SLC25A19: variants seen among roughly 807,000 people sequenced by gnomAD.
SLC25A19 encodes solute carrier family 25 member 19.
In SLC25A19, 18 loss-of-function variants were observed where a neutral mutation model predicts 27.9. That is an observed-to-expected ratio of 0.64 (90% CI 0.45 to 0.96). The LOEUF (loss-of-function observed/expected upper bound fraction) is 0.96. Among genes scored for constraint, SLC25A19 ranks in the 40% least tolerant of loss-of-function variants. The pLI, the probability that SLC25A19 is intolerant of heterozygous loss-of-function variation, is 0.00. For missense variants in SLC25A19, 371 were observed against 418.3 expected, an observed-to-expected ratio of 0.89 and a Z score of 0.99; for synonymous variants, 169 against 167.1, an observed-to-expected ratio of 1.01 and a Z score of -0.09.
chr17:75,276,036 G>A (rs1419247477), intron 7 of SLC25A19, among the ~76,000 whole-genome samples: 2 of 151,994 alleles, frequency 1.3e-5, no homozygotes, highest in Non-Finnish European at 2.9e-5. Context: ...CACTTTGGGA[G>A]GCCGAGGCAG....
rs1555602033 is a variant in SLC25A19, at chr17:75,277,399, C to T, written c.728G>A (p.Arg243Gln). The T allele has an allele frequency of 1.2e-6, 2 of 1,614,016 alleles. No individual in the cohort carries two copies. Among genetic ancestry groups the T allele is most frequent in the Non-Finnish European group, 1.7e-6 (2 of 1,179,982 alleles). ...LTYPLDLFKK[R>Q]LQVGGFEHAR... is the part of the protein sequence containing the mutation. ...ATGCTCAAACCCTCCAACCTGTAGCCGCTTCTTGAAGAGGTCCAGCGGATA... is the reference window on the plus strand; with the variant it reads ...ATGCTCAAACCCTCCAACCTGTAGCTGCTTCTTGAAGAGGTCCAGCGGATA... The change falls in exon 7 of 8, where the codon CGG becomes CAG. Residue 243 changes from arginine (R) to glutamine (Q), a missense_variant. Transcript: ENST00000416858.
At chr17:75,275,708 A>G (rs1458573764) in intron 7 of SLC25A19, among the ~76,000 whole-genome samples, 6 of 152,162 alleles carry the variant, frequency 3.9e-5, no homozygotes, top group Non-Finnish European at 8.8e-5. Flanking sequence ...TAATCCCAGC[A>G]CTTTGAGAGG....
At chr17:75,273,907 C>T in intron 7 of SLC25A19, 1 of 406,164 alleles carries the variant, frequency 2.5e-6, no homozygotes, top group East Asian at 5.7e-5. Flanking sequence ...ATTACAGGCA[C>T]ACAACACCAC....
Position 75,286,356 on chromosome 17 carries a change from C to T in SLC25A19, c.236G>A (p.Trp79Ter). The T allele has an allele frequency of 6.2e-7, 1 of 1,614,144 alleles. No homozygotes were observed. Residue 79 changes from tryptophan (W) to a stop codon, truncating the protein, a stop_gained, in exon 4 of 8, where the codon TGG (tryptophan) becomes TAG (stop). Coordinates refer to ENST00000416858, the MANE Select transcript of SLC25A19 (RefSeq NM_001126121.2). LOFTEE classifies it high-confidence loss of function. ...AATCTGAGCTGGGACGTGTCCTTTCCAGAAAGCTGTCGGACCCTCCTCCTG... is the reference window on the plus strand; with the variant it reads ...AATCTGAGCTGGGACGTGTCCTTTCTAGAAAGCTGTCGGACCCTCCTCCTG... ...ILQEEGPTAFWKGHVPAQILS... is the reference protein window; with the variant it reads ...ILQEEGPTAF
intron 6 of SLC25A19, 108 bp from the exon 7 acceptor site, chr17:75,277,591 A>G (rs1453871266): frequency 7.6e-7 from 1 of 1,318,696 alleles, no homozygotes; most frequent in Non-Finnish European, 1.1e-6. Flanking sequence ...AAACCCCACA[A>G]GCGCACTTCT....
Position 75,278,206 on chromosome 17 carries a change from T to C in SLC25A19, c.589A>G (p.Ser197Gly). 3 of 1,613,992 alleles carry C rather than the reference T, an allele frequency of 1.9e-6. No individual in the cohort carries two copies. The highest frequency in any genetic ancestry group is 2.5e-6 in the Non-Finnish European group (3 of 1,180,006). The stretch of plus-strand genomic sequence containing the variant: ...CACTTGTACAGGTGCTTCAAGGAGC[T>C]GTAGCAAGAGAACTGCAGCCCGGCG... ...PYAGLQFSCY[S>G]SLKHLYKWAI... is the part of the protein sequence containing the mutation. The change falls in exon 6 of 8, where the codon AGC becomes GGC. Residue 197 changes from serine (S) to glycine (G), a missense_variant. Ser to Gly is a moderately conservative substitution (Grantham distance 56). Transcript: ENST00000416858.
At chr17:75,275,580 C>A (rs2145732964) in intron 7 of SLC25A19, among the ~76,000 whole-genome samples, 2 of 152,270 alleles carry the variant, frequency 1.3e-5, no homozygotes, top group East Asian at 3.9e-4. Flanking sequence ...AAAATCTGAG[C>A]AACTGAGGAG....
chr17:75,273,793 C>T (rs2077791170), intron 7 of SLC25A19, 154 bp from the exon 8 acceptor site: 1 of 721,264 alleles, frequency 1.4e-6, no homozygotes, highest in Non-Finnish European at 2.3e-6. Flanking sequence ...CAGAGTCTCA[C>T]TCTGTTGCCC....
Position 75,278,122 on chromosome 17 carries a change from G to A in SLC25A19, c.643+30C>T, listed in dbSNP as rs373525460. 3 of 1,610,936 alleles carry A rather than the reference G, an allele frequency of 1.9e-6. No individual in the cohort carries two copies. In the Admixed American group the frequency reaches 5.0e-5, roughly 27 times the overall value. On this transcript the variant is annotated intron_variant, in intron 6 of 7. Transcript: ENST00000416858. ...GGGTGTTCTGGTGGCTGGGGTGGGA[G>A]GGCTCCCTCTCGTGTGAGGGCTGCC...
chr17:75,284,309 A>G (rs1489067296), intron 4 of SLC25A19, among the ~76,000 whole-genome samples: 1 of 152,234 alleles, frequency 6.6e-6, no homozygotes, highest in Non-Finnish European at 1.5e-5. Flanking sequence ...AGGCTGAGGC[A>G]GAAGAATCGC....
At chr17:75,284,341 T>G (rs1003980945) in intron 4 of SLC25A19, among the ~76,000 whole-genome samples, 8 of 152,190 alleles carry the variant, frequency 5.3e-5, no homozygotes, top group Non-Finnish European at 1.0e-4. Flanking sequence ...AGGCGGAGGT[T>G]GCAGTGAGCT....
rs922230981 is a variant in SLC25A19, at chr17:75,283,674, GA to G, written c.289-82del. ...AATACTCCCCAAATACATCACCCGT[GA>G]CCCGGCTGGGGCCCAGGTGGAGGGG... is the stretch of plus-strand genomic sequence containing the variant. On this transcript the variant is annotated intron_variant, in intron 4 of 7. Transcript: ENST00000416858. The G allele has an allele frequency of 8.9e-5, 127 of 1,429,752 alleles. No homozygotes were observed. The African/African-American group carries it at 1.4e-3, about 16-fold the overall frequency. 88.6% of individuals were successfully genotyped at this position (1,429,752 alleles called of 1,614,324 possible). A position where few individuals can be genotyped will look rare whatever the true frequency, so the allele number is the denominator to read the frequency against.
Position 75,289,411 on chromosome 17 carries a change from A to T in SLC25A19, c.-186T>A, listed in dbSNP as rs2078259556. On this transcript the variant is annotated 5_prime_UTR_variant, in exon 1 of 8. Transcript: ENST00000416858. ...CTCCGCTCTCTCTAGCTCCTCGCGC[A>T]GTCTTAACAGCAAAACTCTACTGAG... 1 of 152,166 alleles carries T rather than the reference A, an allele frequency of 6.6e-6. No individual in the cohort carries two copies. Among genetic ancestry groups the T allele is most frequent in the African/African-American group, 2.4e-5 (1 of 41,402 alleles). 9.4% of individuals were successfully genotyped at this position (152,166 alleles called of 1,614,324 possible).
intron 4 of SLC25A19, among the ~76,000 whole-genome samples, chr17:75,286,011 C>CA (rs2078172285): frequency 6.6e-6 from 1 of 152,186 alleles, no homozygotes; most frequent in African/African-American, 2.4e-5. Context: ...GGTGGTATTT[C>CA]AAAAACTGAA....
rs918850881 is a variant in SLC25A19 at position 75,289,391 on chromosome 17, C to T, written c.-166G>A. 7.2e-6 allele frequency: 1 copy of T among 139,380 alleles called. No homozygotes were observed. The highest frequency in any genetic ancestry group is 1.5e-5 in the Non-Finnish European group (1 of 67,962). The allele number at this position is 139,380 out of a possible 1,614,324, so 8.6% of individuals were successfully genotyped here. ...GTGCGGCCCGGCTCAGCGCTCTCCG[C>T]TCTCTCTAGCTCCTCGCGCAGTCTT... On this transcript the variant is annotated 5_prime_UTR_variant, in exon 1 of 8. Coordinates refer to ENST00000416858, the MANE Select transcript of SLC25A19 (RefSeq NM_001126121.2).
chr17:75,278,142 G>C lies in SLC25A19; in HGVS notation c.643+10C>G. 1 of 1,612,660 alleles carries C rather than the reference G, an allele frequency of 6.2e-7. No individual in the cohort carries two copies. The highest frequency in any genetic ancestry group is 8.5e-7 in the Non-Finnish European group (1 of 1,179,796). ...TGGGAGGGCTCCCTCTCGTGTGAGG[G>C]CTGCCTCACCATTTTTCTTTCCTTC... On this transcript the variant is annotated intron_variant, in intron 6 of 7. Coordinates refer to ENST00000416858, the MANE Select transcript of SLC25A19 (RefSeq NM_001126121.2).
chr17:75,288,838 AT>A (rs1239221463), intron 1 of SLC25A19, among the ~76,000 whole-genome samples: 3 of 152,146 alleles, frequency 2.0e-5, no homozygotes, highest in Admixed American at 6.5e-5. Context: ...CCAGGCGCCC[AT>A]GAGGAAGTTT....
Position 75,273,403 on chromosome 17 carries a change from T to A in SLC25A19, c.*48A>T, listed in dbSNP as rs1051141831. 4 of 1,588,434 alleles carry A rather than the reference T, an allele frequency of 2.5e-6. No individual in the cohort carries two copies. In the African/African-American group the frequency reaches 5.4e-5, roughly 21 times the overall value. On this transcript the variant is annotated 3_prime_UTR_variant, in exon 8 of 8. Transcript: ENST00000416858. ...CCTCTCAGTGGAGACTGAATCTTCC[T>A]TCCTTCAGGAGGCTGCCTCCAGGGA...
At position 75,278,282 on chromosome 17, in the gene SLC25A19, G is replaced by A. The variant is rs2077946841; in HGVS notation, c.513C>T (p.Pro171=). The A allele has an allele frequency of 6.2e-7, 1 of 1,614,080 alleles. No individual in the cohort carries two copies. Among genetic ancestry groups the A allele is most frequent in the East Asian group, 2.2e-5 (1 of 44,874 alleles). ...GAGCCAAGCCTTTGTAGAAAACCTG[G>A]GGGCCTTCGCTCCTATACATGGTCC... ...AVGTMYRSEG[P]QVFYKGLAPT... Residue 171 remains proline, a synonymous_variant, in exon 6 of 8, where the codon CCC becomes CCT. Transcript: ENST00000416858.
Sources: gnomAD v4.1 joint callset for allele counts (sites outside exome capture counted in the v4.1 genomes callset) on GRCh38, gnomAD v4.1.1 for gene constraint, MANE v1.5 for transcripts, NCBI Gene and HGNC (gene_info 2026-07-23, HGNC 2026-07-21) for gene names.